LUZP2: variants seen among roughly 807,000 people sequenced by gnomAD.
LUZP2 encodes leucine zipper protein 2.
In LUZP2, 52 loss-of-function variants were observed where a neutral mutation model predicts 51.6. That is an observed-to-expected ratio of 1.01 (90% CI 0.81 to 1.27). The LOEUF (loss-of-function observed/expected upper bound fraction) is 1.27. Ranked by LOEUF, LUZP2 falls within the 50% of genes most tolerant of loss-of-function variation. The pLI is 0.00. For missense variants in LUZP2, 436 were observed against 395.4 expected (o/e 1.10, Z -0.87); for synonymous variants, 154 against 137.3 (o/e 1.12, Z -0.85).
chr11:24,752,935 T>C (rs1348423398), intron 4 of LUZP2, among the ~76,000 whole-genome samples: 1 of 151,956 alleles, frequency 6.6e-6, no homozygotes. Flanking sequence ...AAATTGAAAA[T>C]ATTGCATATG....
chr11:25,046,122 C>G (rs954029036), intron 9 of LUZP2, among the ~76,000 whole-genome samples: 3 of 151,874 alleles, frequency 2.0e-5, no homozygotes, highest in Non-Finnish European at 2.9e-5. Context: ...CTTCTAATGA[C>G]CTAACTTGGA....
chr11:24,653,217 G>A (rs980515766), intron 1 of LUZP2, among the ~76,000 whole-genome samples: 2 of 152,156 alleles, frequency 1.3e-5, no homozygotes, highest in African/African-American at 2.4e-5. Context: ...GGTCCATGGT[G>A]GTAGCAGGGG....
chr11:24,788,597 G>C (rs1285767444), intron 5 of LUZP2, among the ~76,000 whole-genome samples: 1 of 152,020 alleles, frequency 6.6e-6, no homozygotes, highest in Non-Finnish European at 1.5e-5. Context: ...GAATTATCCA[G>C]AGAAGCCAAA....
chr11:24,532,201 A>G (rs558319276), intron 1 of LUZP2, among the ~76,000 whole-genome samples: 1 of 151,080 alleles, frequency 6.6e-6, no homozygotes, highest in Non-Finnish European at 1.5e-5. Context: ...TACTAGACAT[A>G]CTATGATTCT....
At position 24,963,496 on chromosome 11, in the gene LUZP2, C is replaced by A. The variant is rs552272175; in HGVS notation, c.523-13095C>A. Among the ~76,000 whole-genome samples the A allele has an allele frequency of 3.9e-5, 6 of 152,322 alleles. No individual in the cohort carries two copies. The East Asian group carries it at 9.7e-4, about 25-fold the overall frequency. On this transcript the variant is annotated intron_variant, in intron 7 of 11. Coordinates refer to ENST00000336930, the MANE Select transcript of LUZP2 (RefSeq NM_001009909.4). ...GGGTGCCCCTCCCCCAGCCCCGCTG[C>A]TGCCTTGCAGTTTAATCTCAGACTG...
intron 7 of LUZP2, among the ~76,000 whole-genome samples, chr11:24,974,488 G>A (rs1390764730): frequency 3.4e-5 from 1 of 29,842 alleles, no homozygotes; most frequent in Non-Finnish European, 2.2e-4. Flanking sequence ...GCTGAAACTA[G>A]CATTTTCTTA....
intron 5 of LUZP2, among the ~76,000 whole-genome samples, chr11:24,770,791 T>C (rs544075725): frequency 1.7e-4 from 26 of 152,338 alleles, no homozygotes; most frequent in African/African-American, 5.8e-4. Flanking sequence ...CCTATAGATA[T>C]CTTACAAAAT....
intron 5 of LUZP2, among the ~76,000 whole-genome samples, chr11:24,847,283 A>G (rs927767275): frequency 2.6e-5 from 4 of 151,982 alleles, no homozygotes; most frequent in Admixed American, 1.3e-4. Context: ...TTTCTGCTTC[A>G]GGATCCAATC....
At chr11:24,620,084 GT>G (rs1248605125) in intron 1 of LUZP2, among the ~76,000 whole-genome samples, 4 of 152,256 alleles carry the variant, frequency 2.6e-5, no homozygotes, top group South Asian at 2.1e-4. Context: ...GTGGATTCCA[GT>G]TTAAGCTTAA....
At chr11:24,888,219 C>T (rs1852733505) in intron 5 of LUZP2, among the ~76,000 whole-genome samples, 1 of 152,042 alleles carries the variant, frequency 6.6e-6, no homozygotes, top group Admixed American at 6.6e-5. Flanking sequence ...CTGCAGATGC[C>T]TCCCCCTACT....
intron 5 of LUZP2, among the ~76,000 whole-genome samples, chr11:24,860,624 G>A (rs1851712342): frequency 6.6e-6 from 1 of 152,144 alleles, no homozygotes; most frequent in Non-Finnish European, 1.5e-5. Flanking sequence ...GCCTCTTTTA[G>A]TGACCTCTCT....
chr11:24,882,974 T>C (rs1852532305), intron 5 of LUZP2, among the ~76,000 whole-genome samples: 1 of 105,472 alleles, frequency 9.5e-6, no homozygotes, highest in Non-Finnish European at 1.9e-5. Context: ...GAAAGAAAGA[T>C]GGAGGAAGGA....
At chr11:24,890,112 C>G (rs188836801) in intron 5 of LUZP2, among the ~76,000 whole-genome samples, 1 of 151,998 alleles carries the variant, frequency 6.6e-6, no homozygotes, top group Non-Finnish European at 1.5e-5. Flanking sequence ...ACATGATATA[C>G]GAATTTCCCT....
At chr11:24,621,380 T>G (rs988871099) in intron 1 of LUZP2, among the ~76,000 whole-genome samples, 1 of 151,948 alleles carries the variant, frequency 6.6e-6, no homozygotes, top group Non-Finnish European at 1.5e-5. Flanking sequence ...AATATCACAT[T>G]GCATTTGTGG....
At chr11:24,524,104 G>A (rs568801291) in intron 1 of LUZP2, among the ~76,000 whole-genome samples, 2 of 151,848 alleles carry the variant, frequency 1.3e-5, no homozygotes, top group African/African-American at 4.8e-5. Flanking sequence ...TATGGATACT[G>A]GAAGTGTTTC....
chr11:24,749,592 G>A (rs1274224640), intron 4 of LUZP2, among the ~76,000 whole-genome samples: 2 of 152,108 alleles, frequency 1.3e-5, no homozygotes, highest in African/African-American at 4.8e-5. Context: ...AAGAAGGTAG[G>A]ATAAGCTGGT....
intron 4 of LUZP2, among the ~76,000 whole-genome samples, chr11:24,743,604 T>G (rs1175582127): frequency 6.6e-6 from 1 of 151,948 alleles, no homozygotes; most frequent in Non-Finnish European, 1.5e-5. Flanking sequence ...GTCTTTAGGG[T>G]TTTCAAGGTA....
intron 9 of LUZP2, among the ~76,000 whole-genome samples, chr11:25,013,969 A>T (rs1857059897): frequency 6.6e-6 from 1 of 151,812 alleles, no homozygotes; most frequent in Admixed American, 6.6e-5. Flanking sequence ...CTCATTGTTC[A>T]ATTCCCACCT....
intron 7 of LUZP2, among the ~76,000 whole-genome samples, chr11:24,924,868 G>T (rs1854180601): frequency 6.6e-6 from 1 of 152,136 alleles, no homozygotes; most frequent in Non-Finnish European, 1.5e-5. Context: ...CAGTGTCAAT[G>T]TTAAGATAAG....
Sources: allele counts gnomAD v4.1 joint callset (sites outside exome capture counted in the v4.1 genomes callset), GRCh38; gene constraint gnomAD v4.1.1; transcripts MANE v1.5; gene names NCBI Gene and HGNC (gene_info 2026-07-23, HGNC 2026-07-21).